FBLN7: variants seen among roughly 807,000 people sequenced by gnomAD.
FBLN7 encodes fibulin 7.
In FBLN7, 31 loss-of-function variants were observed where a neutral mutation model predicts 44.0. That is an observed-to-expected ratio of 0.70 (90% CI 0.53 to 0.95). FBLN7 has a LOEUF of 0.95. FBLN7 is among the 40% of genes least tolerant of loss of function. The probability of loss-of-function intolerance (pLI) is 0.00; values close to 1 mark genes in which losing one functional copy is unlikely to be tolerated. For synonymous variants in FBLN7, 262 were observed against 253.4 expected, an observed-to-expected ratio of 1.03 and a Z score of -0.32; for missense variants, 573 against 618.5, an observed-to-expected ratio of 0.93 and a Z score of 0.78.
At chr2:112,197,274 C>CACACACAGAG in the FBLN7 span, among the ~76,000 whole-genome samples, 531 of 98,588 alleles carry the variant, frequency 5.4e-3, 2 homozygotes, top group Non-Finnish European at 8.2e-3. Flanking sequence ...CACACACACA[C>CACACACAGAG]AGAGAGAGAG....
At chr2:112,160,013 C>G (rs530426780) in intron 2 of FBLN7, among the ~76,000 whole-genome samples, 178 bp downstream of exon 2, 2 of 151,492 alleles carry the variant, frequency 1.3e-5, no homozygotes, top group African/African-American at 2.4e-5. Flanking sequence ...TTTTTTGAGA[C>G]GGAGTCTCGC....
rs986553208 is a variant in FBLN7, at chr2:112,175,983, G to A, written c.532+144G>A. On this transcript the variant is annotated intron_variant, in intron 4 of 7. Transcript: ENST00000331203. ...TTTTCCTCTCTGTTTCACATCCACC[G>A]ATCCCTCTGGTTTTCTAAGGTGGTC... The A allele has an allele frequency of 1.6e-5, 17 of 1,035,446 alleles. No individual in the cohort carries two copies. The Admixed American group carries it at 3.0e-4, about 18-fold the overall frequency. The allele number at this position is 1,035,446 out of a possible 1,614,324, so 64.1% of individuals were successfully genotyped here. A position where few individuals can be genotyped will look rare whatever the true frequency, so the allele number is the denominator to read the frequency against.
intron 5 of FBLN7, 133 bp downstream of exon 5, chr2:112,182,009 T>A: frequency 8.8e-7 from 1 of 1,134,542 alleles, no homozygotes; most frequent in East Asian, 3.1e-5. Context: ...CTGGCCACTT[T>A]GCATTATAGG....
intron 7 of FBLN7, 73 bp downstream of exon 7, chr2:112,185,412 T>C (rs909116688): frequency 2.6e-6 from 4 of 1,550,770 alleles, no homozygotes; most frequent in East Asian, 2.3e-5. Flanking sequence ...TTCCTAGAGG[T>C]TCTTGGGAGA....
chr2:112,177,424 T>G (rs1682787513), intron 4 of FBLN7: 1 of 152,382 alleles, frequency 6.6e-6, no homozygotes, highest in East Asian at 1.9e-4. Context: ...TCCCTCAGCC[T>G]GACACCTTCC....
chr2:112,205,163 T>A, the FBLN7 span, among the ~76,000 whole-genome samples: 1 of 151,958 alleles, frequency 6.6e-6, no homozygotes, highest in Non-Finnish European at 1.5e-5. Flanking sequence ...CCTGGGGCAA[T>A]CATTAACAAA....
At chr2:112,206,136 C>T in the FBLN7 span, among the ~76,000 whole-genome samples, 2 of 152,250 alleles carry the variant, frequency 1.3e-5, no homozygotes, top group African/African-American at 4.8e-5. Context: ...TGTATTTCAT[C>T]TATAATCTCA....
At chr2:112,171,611 T>C (rs539710604) in intron 3 of FBLN7, among the ~76,000 whole-genome samples, 6 of 152,294 alleles carry the variant, frequency 3.9e-5, no homozygotes, top group African/African-American at 1.4e-4. Context: ...AATGATTAAA[T>C]TAATGAAAAA....
intron 3 of FBLN7, among the ~76,000 whole-genome samples, chr2:112,170,706 G>A (rs1682413131): frequency 6.6e-6 from 1 of 152,218 alleles, no homozygotes; most frequent in African/African-American, 2.4e-5. Flanking sequence ...GGCCAGCACT[G>A]TAGTCATGGG....
the FBLN7 span, among the ~76,000 whole-genome samples, chr2:112,199,790 A>C: frequency 1.3e-5 from 2 of 152,128 alleles, no homozygotes; most frequent in Non-Finnish European, 2.9e-5. Context: ...TGTGGTCATA[A>C]ATGGATTAAT....
chr2:112,233,990 C>T, the FBLN7 span: 1 of 578,024 alleles, frequency 1.7e-6, no homozygotes, highest in Non-Finnish European at 2.8e-6. Flanking sequence ...GAATACTTCA[C>T]TAAAATTTTC....
At chr2:112,211,350 AC>A in the FBLN7 span, among the ~76,000 whole-genome samples, 20 of 152,346 alleles carry the variant, frequency 1.3e-4, no homozygotes, top group African/African-American at 4.8e-4. Flanking sequence ...AATAATGCCC[AC>A]ATCCAAGAGG....
the FBLN7 span, among the ~76,000 whole-genome samples, chr2:112,220,194 TGTTAGCTG>T: frequency 2.0e-5 from 3 of 152,182 alleles, no homozygotes; most frequent in Non-Finnish European, 4.4e-5. Flanking sequence ...GTCATAACAT[TGTTAGCTG>T]GTTATTATGC....
chr2:112,194,466 T>C, the FBLN7 span, among the ~76,000 whole-genome samples: 2 of 152,250 alleles, frequency 1.3e-5, no homozygotes, highest in East Asian at 3.9e-4. Flanking sequence ...CTCAGAGTAG[T>C]TGGGCTTCTA....
chr2:112,180,151 C>T lies in FBLN7; in HGVS notation c.533-1588C>T, dbSNP rs112403230. Among the ~76,000 whole-genome samples the T allele has an allele frequency of 2.6e-5, 4 of 152,176 alleles. No individual in the cohort carries two copies. In the East Asian group the frequency reaches 7.7e-4, roughly 29 times the overall value. On this transcript the variant is annotated intron_variant, in intron 4 of 7. Coordinates refer to ENST00000331203, the MANE Select transcript of FBLN7 (RefSeq NM_153214.3). ...CTTAAATTTACAAGAGAAAAACAAA[C>T]AACCCCATTAAAAAGTGGGCAACGT... is the stretch of plus-strand genomic sequence containing the variant.
intron 3 of FBLN7, among the ~76,000 whole-genome samples, chr2:112,168,574 A>G (rs1223166345): frequency 6.6e-6 from 1 of 152,230 alleles, no homozygotes; most frequent in Non-Finnish European, 1.5e-5. Flanking sequence ...AGAGCCTCAA[A>G]GCGGTGTCAG....
At chr2:112,181,614 C>T in intron 4 of FBLN7, 125 bp from the exon 5 acceptor site, 1 of 1,191,414 alleles carries the variant, frequency 8.4e-7, no homozygotes, top group South Asian at 2.2e-5. Flanking sequence ...CCTTTCCCTA[C>T]TCCAGAGTAA....
At chr2:112,209,685 G>A in the FBLN7 span, among the ~76,000 whole-genome samples, 1 of 152,094 alleles carries the variant, frequency 6.6e-6, no homozygotes, top group South Asian at 2.1e-4. Context: ...GACAAAAATT[G>A]AAGTCACAAA....
chr2:112,232,314 C>CAA, the FBLN7 span, among the ~76,000 whole-genome samples: 293 of 71,330 alleles, frequency 4.1e-3, 3 homozygotes, highest in East Asian at 0.025. Context: ...GATAATGTCT[C>CAA]AAAAAAAAAA....
Sources: allele counts gnomAD v4.1 joint callset (sites outside exome capture counted in the v4.1 genomes callset), GRCh38; gene constraint gnomAD v4.1.1; transcripts MANE v1.5; gene names NCBI Gene and HGNC (gene_info 2026-07-23, HGNC 2026-07-21).